The following NSMAF variants were observed in gnomAD, a reference collection of about 807,000 sequenced individuals.
NSMAF encodes the protein protein FAN.
A neutral mutation model predicts 134.9 loss-of-function variants in NSMAF; 90 were observed. That is an observed-to-expected ratio of 0.67 (90% confidence interval 0.56 to 0.79). NSMAF has a LOEUF of 0.79. NSMAF is among the 30% of genes least tolerant of loss of function. The probability of loss-of-function intolerance (pLI) is 0.00; values close to 1 mark genes in which losing one functional copy is unlikely to be tolerated. For missense variants in NSMAF, 1,010 were observed against 1,119.0 expected (o/e 0.90, Z 1.39); for synonymous variants, 358 against 389.6 (o/e 0.92, Z 0.96).
rs560993588 is a variant in NSMAF, at chr8:58,623,871, G to A, written c.385-91C>T. The A allele has an allele frequency of 3.4e-3, 3,365 of 977,986 alleles. 17 individuals are homozygous for A. The highest frequency in any genetic ancestry group is 4.3e-3 in the Non-Finnish European group (2,737 of 630,360). The allele number at this position is 977,986 out of a possible 1,614,324, so 60.6% of individuals were successfully genotyped here. On this transcript the variant is annotated intron_variant, in intron 6 of 30. Coordinates refer to ENST00000038176, the MANE Select transcript of NSMAF (RefSeq NM_003580.4). The stretch of plus-strand genomic sequence containing the variant: ...AGAACATGTGTACAGAACCTGCTAT[G>A]ATAAAATCTGCATGTTTTACCTAGT...
chr8:58,609,633 G>A lies in NSMAF; in HGVS notation c.658C>T (p.Leu220=), dbSNP rs1213573325. Reference sequence around the variant, plus strand: ...TAGCCGTTGAGGGGCTGAAAATACAGGTTTGTGTCCGTGATGCACACGTGT... The same window carrying A: ...TAGCCGTTGAGGGGCTGAAAATACAAGTTTGTGTCCGTGATGCACACGTGT... ...PGHVCITDTN[L]YFQPLNGYPK... is the part of the protein sequence containing the mutation. Residue 220 remains leucine (L), a synonymous_variant, in exon 10 of 31, where the codon CTG becomes TTG. Transcript: ENST00000038176. 2 of 1,614,164 alleles carry A rather than the reference G, an allele frequency of 1.2e-6. No homozygotes were observed. Among genetic ancestry groups the A allele is most frequent in the Non-Finnish European group, 8.5e-7 (1 of 1,180,002 alleles).
intron 2 of NSMAF, among the ~76,000 whole-genome samples, chr8:58,635,925 T>C (rs1461820638): frequency 3.3e-5 from 5 of 152,202 alleles, no homozygotes; most frequent in Non-Finnish European, 7.3e-5. Flanking sequence ...TGTTCTTTTG[T>C]GAGCAGTAAA....
rs1230603257 is a variant in NSMAF at position 58,591,531 on chromosome 8, G to C, written c.1952-597C>G. ...TGACACAGTATCACTCTGTTGCCCA[G>C]GCTGGAGTGCATTGGTGTGATCTTG... On this transcript the variant is annotated intron_variant, in intron 23 of 30. Transcript: ENST00000038176. 2.3e-5 allele frequency among the ~76,000 whole-genome samples: 3 copies of C among 133,282 alleles called. No homozygotes were observed. The Admixed American group carries it at 2.5e-4, about 11-fold the overall frequency. The allele number at this position is 133,282 out of a possible 152,430, so 87.4% of individuals were successfully genotyped here.
chr8:58,604,557 A>ATAAT (rs1554574191), intron 12 of NSMAF, among the ~76,000 whole-genome samples: 5 of 146,714 alleles, frequency 3.4e-5, no homozygotes, highest in East Asian at 2.0e-4. Flanking sequence ...AGATATATAT[A>ATAAT]ATATATATAT....
rs766199113 is a variant in NSMAF, at chr8:58,602,152, CAATA to C, written c.1046-19_1046-16del. 2.5e-6 allele frequency: 4 copies of C among 1,592,152 alleles called. No individual in the cohort carries two copies. The highest frequency in any genetic ancestry group is 3.4e-6 in the Non-Finnish European group (4 of 1,160,842). ...ATTTGACAAATCTATAAACATAAAT[CAATA>C]AATAACTTCAGCTTATACTTAGTAC... On this transcript the variant is annotated splice_polypyrimidine_tract_variant and intron_variant, in intron 13 of 30. Coordinates refer to ENST00000038176, the MANE Select transcript of NSMAF (RefSeq NM_003580.4).
At chr8:58,589,277 T>C (rs1350148663) in intron 26 of NSMAF, among the ~76,000 whole-genome samples, 175 bp downstream of exon 26, 2 of 149,208 alleles carry the variant, frequency 1.3e-5, no homozygotes, top group African/African-American at 2.4e-5. Context: ...ACACAGGCAA[T>C]AACATTCAAT....
chr8:58,631,471 G>C, intron 6 of NSMAF, 25 bp downstream of exon 6: 1 of 1,399,578 alleles, frequency 7.1e-7, no homozygotes, highest in Non-Finnish European at 9.8e-7. Flanking sequence ...TAAATTGCTG[G>C]AAATACATGA....
chr8:58,631,234 G>T, intron 6 of NSMAF: 1 of 290,272 alleles, frequency 3.4e-6, no homozygotes, highest in Non-Finnish European at 6.4e-6. Context: ...TATAAATAAT[G>T]CATATTCTGA....
At chr8:58,625,905 T>C (rs1025823457) in intron 6 of NSMAF, among the ~76,000 whole-genome samples, 18 of 152,084 alleles carry the variant, frequency 1.2e-4, no homozygotes, top group Admixed American at 7.2e-4. Context: ...GATTTCCTCC[T>C]CATTTTTTTT....
intron 19 of NSMAF, among the ~76,000 whole-genome samples, chr8:58,598,157 A>G (rs190974167): frequency 4.6e-5 from 7 of 152,344 alleles, no homozygotes; most frequent in African/African-American, 1.4e-4. Flanking sequence ...AGCATGACTT[A>G]TAGAATTAAT....
In NSMAF at chr8:58,586,627, T is replaced by C; in HGVS notation, c.2296-19A>G. On this transcript the variant is annotated intron_variant, in intron 27 of 30. Coordinates refer to ENST00000038176, the MANE Select transcript of NSMAF (RefSeq NM_003580.4). Reference sequence around the variant, plus strand: ...TATCTACCTAAGGAAGAAAACACATTGATACATATTCCATTAGATTTATGG... The same window carrying C: ...TATCTACCTAAGGAAGAAAACACATCGATACATATTCCATTAGATTTATGG... 3.8e-6 allele frequency: 6 copies of C among 1,591,432 alleles called. No individual in the cohort carries two copies. The highest frequency in any genetic ancestry group is 5.2e-6 in the Non-Finnish European group (6 of 1,164,552).
rs1050095851 is a variant in NSMAF, at chr8:58,659,757, G to T, written c.-126C>A. The stretch of plus-strand genomic sequence containing the variant: ...TGGGGAGCGCGCGGCTGCCGGCCTG[G>T]CTTCCCCTGCGGCGCCGCTGGGCGG... On this transcript the variant is annotated 5_prime_UTR_variant, in exon 1 of 31. Coordinates refer to ENST00000038176, the MANE Select transcript of NSMAF (RefSeq NM_003580.4). 4 of 684,704 alleles carry T rather than the reference G, an allele frequency of 5.8e-6. No homozygotes were observed. The highest frequency in any genetic ancestry group is 5.7e-5 in the African/African-American group (3 of 53,000). The allele number at this position is 684,704 out of a possible 1,614,324, so 42.4% of individuals were successfully genotyped here.
intron 12 of NSMAF, among the ~76,000 whole-genome samples, chr8:58,604,167 T>A (rs1806348695): frequency 2.6e-5 from 4 of 152,186 alleles, no homozygotes; most frequent in Admixed American, 2.6e-4. Context: ...AGTTTCTTCT[T>A]TAATCAGCTA....
In NSMAF at chr8:58,589,525, T is replaced by C; in HGVS notation, c.2138A>G (p.His713Arg). 13 of 1,572,626 alleles carry C rather than the reference T, an allele frequency of 8.3e-6. No individual in the cohort carries two copies. Among genetic ancestry groups the C allele is most frequent in the Non-Finnish European group, 1.1e-5 (13 of 1,167,162 alleles). ...FGRRQDTLMG[H>R]DDAVSKICWH... is the part of the protein sequence containing the mutation. ...ACAGATCTTACTAACAGCATCATCA[T>C]GTCCCATTAACGTGTCCTGGCGTCT... is the stretch of plus-strand genomic sequence containing the variant. The change falls in exon 26 of 31, where the codon CAT becomes CGT. Residue 713 changes from histidine (H) to arginine (R), a missense_variant. His to Arg is a conservative substitution (Grantham distance 29, BLOSUM62 0). Transcript: ENST00000038176.
At chr8:58,635,258 C>G in intron 4 of NSMAF, 33 bp from the exon 5 acceptor site, 1 of 1,608,174 alleles carries the variant, frequency 6.2e-7, no homozygotes, top group Non-Finnish European at 8.5e-7. Flanking sequence ...TAAATATATA[C>G]AGCTTTTTGG....
At chr8:58,612,711 G>A (rs997653578) in intron 9 of NSMAF, among the ~76,000 whole-genome samples, 1 of 152,068 alleles carries the variant, frequency 6.6e-6, no homozygotes, top group African/African-American at 2.4e-5. Context: ...ACAATGAATC[G>A]AATTGTAGAA....
At chr8:58,617,667 A>G (rs373707530) in intron 9 of NSMAF, among the ~76,000 whole-genome samples, 4 of 151,952 alleles carry the variant, frequency 2.6e-5, no homozygotes, top group African/African-American at 9.7e-5. Context: ...AACAACAGAT[A>G]CTGGAGAGGA....
chr8:58,589,812 C>T, intron 25 of NSMAF, 195 bp downstream of exon 25: 1 of 594,202 alleles, frequency 1.7e-6, no homozygotes, highest in Non-Finnish European at 2.8e-6. Context: ...GAAAAACAGA[C>T]TCCAATTGGA....
chr8:58,655,058 C>T (rs545743173), intron 1 of NSMAF, among the ~76,000 whole-genome samples: 9 of 152,022 alleles, frequency 5.9e-5, no homozygotes, highest in South Asian at 4.1e-4. Context: ...AGGCTGGTCT[C>T]GAACTCCTGA....
Sources: gnomAD v4.1 joint callset for allele counts (sites outside exome capture counted in the v4.1 genomes callset) on GRCh38, gnomAD v4.1.1 for gene constraint, MANE v1.5 for transcripts, NCBI Gene and HGNC (gene_info 2026-07-23, HGNC 2026-07-21) for gene names.